Variants in CUL1 observed in about 807,000 individuals in gnomAD.
The protein encoded by CUL1 is cullin 1, also known as cullin-1.
CUL1 carries 24 observed loss-of-function variants against 118.0 expected under a neutral mutation model. The ratio of observed to expected loss-of-function variants is 0.20; its 90% confidence interval spans 0.15 to 0.29. The LOEUF is 0.29. Ranked by LOEUF, CUL1 falls within the 10% of genes least tolerant of loss-of-function variation. CUL1 has a pLI of 1.00. For synonymous variants in CUL1, 332 were observed against 340.4 expected, an observed-to-expected ratio of 0.98 and a Z score of 0.27; for missense variants, 361 against 933.8, an observed-to-expected ratio of 0.39 and a Z score of 7.99.
chr7:148,781,079 A>ATTTTTTTT (rs1197920664), intron 9 of CUL1, among the ~76,000 whole-genome samples: 14,528 of 93,562 alleles, frequency 0.16, 3,250 homozygotes, highest in Non-Finnish European at 0.18. Flanking sequence ...TCAAGGCCAG[A>ATTTTTTTT]TTTTTTTTTT....
At chr7:148,742,678 T>C (rs1320731403) in intron 2 of CUL1, among the ~76,000 whole-genome samples, 1 of 149,726 alleles carries the variant, frequency 6.7e-6, no homozygotes, top group East Asian at 2.0e-4. Flanking sequence ...CTTGGCTCAC[T>C]GCAGTCTCTG....
chr7:148,782,366 C>T (rs1353638548), intron 9 of CUL1, among the ~76,000 whole-genome samples: 5 of 152,172 alleles, frequency 3.3e-5, no homozygotes, highest in Admixed American at 1.3e-4. Context: ...AGTTTCCCTA[C>T]GTCTGGGATA....
intron 7 of CUL1, among the ~76,000 whole-genome samples, chr7:148,762,907 G>T (rs1050116310): frequency 6.6e-6 from 1 of 152,248 alleles, no homozygotes; most frequent in African/African-American, 2.4e-5. Flanking sequence ...AGCACTTTGG[G>T]AGGCCGAGGT....
intron 2 of CUL1, among the ~76,000 whole-genome samples, chr7:148,749,415 C>CAAAA (rs61460309): frequency 0.24 from 13,603 of 55,972 alleles, 2,435 homozygotes; most frequent in Non-Finnish European, 0.32. Flanking sequence ...GACTCCATCT[C>CAAAA]AAAAAAAAAA....
intron 2 of CUL1, among the ~76,000 whole-genome samples, chr7:148,730,548 A>G (rs1328064136): frequency 6.6e-6 from 1 of 152,126 alleles, no homozygotes; most frequent in Non-Finnish European, 1.5e-5. Flanking sequence ...TAAATAAAAC[A>G]TTTCTGTCAT....
chr7:148,742,626 TCTCA>T (rs1317283110), intron 2 of CUL1, among the ~76,000 whole-genome samples: 3 of 134,432 alleles, frequency 2.2e-5, no homozygotes, highest in East Asian at 2.3e-4. Context: ...TGAGTTGGAG[TCTCA>T]CTCACTCTGT....
chr7:148,774,228 C>T (rs1800323870), intron 9 of CUL1, among the ~76,000 whole-genome samples: 1 of 152,070 alleles, frequency 6.6e-6, no homozygotes, highest in Non-Finnish European at 1.5e-5. Context: ...ACAGCCAGCG[C>T]CGTGGGGTAC....
chr7:148,701,790 T>C (rs1462325635), intron 1 of CUL1, among the ~76,000 whole-genome samples: 1 of 152,232 alleles, frequency 6.6e-6, no homozygotes, highest in East Asian at 1.9e-4. Flanking sequence ...GAGTTGTTAC[T>C]TGCCATTCTT....
chr7:148,717,615 C>G (rs1447513801), intron 1 of CUL1, among the ~76,000 whole-genome samples: 1 of 151,992 alleles, frequency 6.6e-6, no homozygotes, highest in East Asian at 1.9e-4. Context: ...CTGTCACCCT[C>G]ACAGAATAAA....
intron 9 of CUL1, chr7:148,783,341 C>T (rs902510007): frequency 2.0e-6 from 2 of 985,332 alleles, no homozygotes; most frequent in Non-Finnish European, 2.4e-6. Flanking sequence ...CAGTCAGACT[C>T]CCGCCCTGAG....
At chr7:148,754,963 A>G (rs1370170035) in intron 3 of CUL1, among the ~76,000 whole-genome samples, 1 of 152,116 alleles carries the variant, frequency 6.6e-6, no homozygotes, top group East Asian at 1.9e-4. Context: ...TATGTTGCCC[A>G]GGCTGGTCTC....
At chr7:148,768,872 ACACT>A (rs1800104434) in intron 9 of CUL1, among the ~76,000 whole-genome samples, 1 of 152,102 alleles carries the variant, frequency 6.6e-6, no homozygotes, top group Non-Finnish European at 1.5e-5. Flanking sequence ...GTTGCTGCTG[ACACT>A]CAGCCGCCTC....
intron 1 of CUL1, among the ~76,000 whole-genome samples, chr7:148,725,217 G>A (rs1272554152): frequency 0.036 from 2,722 of 75,538 alleles, 101 homozygotes; most frequent in African/African-American, 0.11. Flanking sequence ...ACACACGCGC[G>A]CGCTCACACA....
intron 16 of CUL1, among the ~76,000 whole-genome samples, chr7:148,791,086 T>C (rs1285126904): frequency 6.6e-6 from 1 of 152,186 alleles, no homozygotes; most frequent in Non-Finnish European, 1.5e-5. Flanking sequence ...TTTGGGAGGC[T>C]GAGACCAGAG....
In CUL1 at chr7:148,800,381, G is replaced by T; in HGVS notation, c.2251-121G>T. 1 of 742,974 alleles carries T rather than the reference G, an allele frequency of 1.3e-6. No individual in the cohort carries two copies. Among genetic ancestry groups the T allele is most frequent in the Non-Finnish European group, 2.3e-6 (1 of 433,916 alleles). 46.0% of individuals were successfully genotyped at this position (742,974 alleles called of 1,614,324 possible). A position where few individuals can be genotyped will look rare whatever the true frequency, so the allele number is the denominator to read the frequency against. ...CTAACAGATCTGGGGCGGGGACACT[G>T]CTCCCCACTGAGCTCCGAATCAGGG... On this transcript the variant is annotated intron_variant, in intron 21 of 21. Transcript: ENST00000325222. This position sits in a 1 kb window ranked among gnomAD's most constrained non-coding sequence, Gnocchi z 4.6.
At chr7:148,739,093 A>G (rs2129459876) in intron 2 of CUL1, among the ~76,000 whole-genome samples, 1 of 152,326 alleles carries the variant, frequency 6.6e-6, no homozygotes, top group East Asian at 1.9e-4. Flanking sequence ...ATTCAGGAAT[A>G]CATCCGTTTC....
intron 2 of CUL1, among the ~76,000 whole-genome samples, chr7:148,733,549 A>G (rs1184735880): frequency 2.6e-5 from 4 of 152,252 alleles, no homozygotes; most frequent in Admixed American, 6.5e-5. Context: ...ACTGGTGTAT[A>G]TTTGGTCATT....
intron 1 of CUL1, among the ~76,000 whole-genome samples, chr7:148,728,578 T>G (rs1224062922): frequency 6.6e-6 from 1 of 152,176 alleles, no homozygotes; most frequent in Non-Finnish European, 1.5e-5. Flanking sequence ...TCCAGAGTGG[T>G]TGCTGAGTTG....
At chr7:148,789,427 G>A (rs186809498) in intron 14 of CUL1, among the ~76,000 whole-genome samples, 146 of 152,256 alleles carry the variant, frequency 9.6e-4, no homozygotes, top group Non-Finnish European at 1.5e-3. Context: ...AAGCACAGGC[G>A]TGGCTTGAGT....
Sources: allele counts gnomAD v4.1 joint callset (sites outside exome capture counted in the v4.1 genomes callset), GRCh38; gene constraint gnomAD v4.1.1; non-coding constraint Gnocchi (gnomAD v3.1); transcripts MANE v1.5; gene names NCBI Gene and HGNC (gene_info 2026-07-23, HGNC 2026-07-21).